MYO1E: variants seen among roughly 807,000 people sequenced by gnomAD.
MYO1E encodes unconventional myosin-Ie.
In MYO1E, 68 loss-of-function variants were observed where a neutral mutation model predicts 151.1. That is an observed-to-expected ratio of 0.45 (90% confidence interval 0.37 to 0.55). MYO1E has a LOEUF of 0.55. Ranked by LOEUF, MYO1E falls within the 20% of genes least tolerant of loss-of-function variation. MYO1E has a pLI of 0.00. For missense variants in MYO1E, 1,363 were observed against 1,389.3 expected, an observed-to-expected ratio of 0.98 and a Z score of 0.30; for synonymous variants, 601 against 501.7, an observed-to-expected ratio of 1.20 and a Z score of -2.64.
chr15:59,171,611 T>C (rs1388124428), intron 22 of MYO1E, among the ~76,000 whole-genome samples: 1 of 152,214 alleles, frequency 6.6e-6, no homozygotes, highest in Non-Finnish European at 1.5e-5. Context: ...AGGTGTTCCA[T>C]ATACCGGGTT....
chr15:59,160,070 AG>A (rs2079528868), intron 24 of MYO1E, among the ~76,000 whole-genome samples: 1 of 152,134 alleles, frequency 6.6e-6, no homozygotes, highest in Admixed American at 6.5e-5. Flanking sequence ...TCCTGACCTC[AG>A]GTAGTCCGCC....
Position 59,136,729 on chromosome 15 carries a change from C to G in MYO1E, c.*651G>C. 1 of 456,366 alleles carries G rather than the reference C, an allele frequency of 2.2e-6. No individual in the cohort carries two copies. The highest frequency in any genetic ancestry group is 4.4e-6 in the Non-Finnish European group (1 of 226,792). The allele number at this position is 456,366 out of a possible 1,614,324, so 28.3% of individuals were successfully genotyped here. A position where few individuals can be genotyped will look rare whatever the true frequency, so the allele number is the denominator to read the frequency against. On this transcript the variant is annotated 3_prime_UTR_variant, in exon 28 of 28. Transcript: ENST00000288235. ...GGCCAGCCACATTCTAATTGAAGAC[C>G]CAGAGAAAGCAAAGCCAGCAGCCCA...
chr15:59,172,695 AGG>A (rs1291197725), intron 21 of MYO1E, among the ~76,000 whole-genome samples: 11 of 152,350 alleles, frequency 7.2e-5, no homozygotes, highest in Middle Eastern at 3.4e-3. Flanking sequence ...GTTTCTAAAC[AGG>A]GGGCAGTGTC....
chr15:59,240,788 C>T (rs142660188), intron 4 of MYO1E, among the ~76,000 whole-genome samples: 4 of 152,336 alleles, frequency 2.6e-5, no homozygotes, highest in Admixed American at 6.5e-5. Context: ...ACTTTTCCAA[C>T]TTTTTGTTTG....
chr15:59,162,601 G>A (rs1427251454), intron 23 of MYO1E, among the ~76,000 whole-genome samples: 1 of 148,604 alleles, frequency 6.7e-6, no homozygotes, highest in Non-Finnish European at 1.5e-5. Flanking sequence ...AGCCAAGGTC[G>A]CACCACTGTA....
chr15:59,363,899 C>T (rs949393591), intron 1 of MYO1E, among the ~76,000 whole-genome samples: 3 of 152,076 alleles, frequency 2.0e-5, no homozygotes, highest in South Asian at 2.1e-4. Flanking sequence ...CTCAGCCTCC[C>T]GAGTAGCTGG....
rs79953301 is a variant in MYO1E, at chr15:59,252,939, C to T, written c.332+3345G>A. Reference sequence around the variant, plus strand: ...AAAAGAACCAAGGCCCCTGAAGAGACTGTGGATTCTACGCAGGAAATATAC... The same window carrying T: ...AAAAGAACCAAGGCCCCTGAAGAGATTGTGGATTCTACGCAGGAAATATAC... On this transcript the variant is annotated intron_variant, in intron 4 of 27. Transcript: ENST00000288235. 4.9e-3 allele frequency among the ~76,000 whole-genome samples: 739 copies of T among 152,238 alleles called. 17 individuals are homozygous for T. In the East Asian group the frequency reaches 0.065, roughly 13 times the overall value.
chr15:59,244,492 G>A (rs902980110), intron 4 of MYO1E, among the ~76,000 whole-genome samples: 1 of 152,110 alleles, frequency 6.6e-6, no homozygotes, highest in Admixed American at 6.5e-5. Flanking sequence ...AGGCTTGCAG[G>A]GGTCACACGC....
intron 1 of MYO1E, among the ~76,000 whole-genome samples, chr15:59,296,900 C>T (rs1326658669): frequency 2.1e-5 from 3 of 142,796 alleles, no homozygotes; most frequent in African/African-American, 7.9e-5. Context: ...AGTGCAGTGG[C>T]ATGATGTCGG....
intron 10 of MYO1E, among the ~76,000 whole-genome samples, chr15:59,215,316 TTTCAC>T (rs1441668938): frequency 6.6e-6 from 1 of 152,238 alleles, no homozygotes; most frequent in African/African-American, 2.4e-5. Flanking sequence ...CAATGTGTTG[TTTCAC>T]TTAATTCCCA....
At chr15:59,348,272 A>G (rs1479691799) in intron 1 of MYO1E, among the ~76,000 whole-genome samples, 2 of 152,208 alleles carry the variant, frequency 1.3e-5, no homozygotes, top group African/African-American at 4.8e-5. Flanking sequence ...TATTTATTCA[A>G]GTCAGCTGTA....
chr15:59,238,559 G>C (rs894505300), intron 4 of MYO1E, among the ~76,000 whole-genome samples: 1 of 152,176 alleles, frequency 6.6e-6, no homozygotes, highest in Non-Finnish European at 1.5e-5. Flanking sequence ...TTCCTTACTT[G>C]TTAGGAGGCT....
chr15:59,347,278 T>C (rs1054892013), intron 1 of MYO1E, among the ~76,000 whole-genome samples: 1 of 152,202 alleles, frequency 6.6e-6, no homozygotes, highest in African/African-American at 2.4e-5. Flanking sequence ...TGCGCGCTTC[T>C]AATGAGAATC....
At chr15:59,367,068 A>G (rs188133233) in intron 1 of MYO1E, among the ~76,000 whole-genome samples, 7 of 151,336 alleles carry the variant, frequency 4.6e-5, no homozygotes, top group Non-Finnish European at 1.0e-4. Context: ...TAATTCCTAT[A>G]TATCCTACCA....
intron 1 of MYO1E, among the ~76,000 whole-genome samples, chr15:59,279,832 G>C (rs2080342871): frequency 6.6e-6 from 1 of 152,166 alleles, no homozygotes; most frequent in East Asian, 1.9e-4. Context: ...TTGAACGTAT[G>C]ATAGTATTTA....
chr15:59,265,786 T>A (rs536115966), intron 2 of MYO1E, among the ~76,000 whole-genome samples: 32 of 111,168 alleles, frequency 2.9e-4, no homozygotes, highest in Non-Finnish European at 3.6e-4. Flanking sequence ...TGAGACCCCA[T>A]CTCCTTAAAA....
chr15:59,255,229 C>A (rs2080187254), intron 4 of MYO1E, among the ~76,000 whole-genome samples: 1 of 152,094 alleles, frequency 6.6e-6, no homozygotes, highest in Non-Finnish European at 1.5e-5. Context: ...ATCCTCCCCA[C>A]TCAGCCTCCT....
intron 1 of MYO1E, among the ~76,000 whole-genome samples, chr15:59,324,239 G>A (rs1323945617): frequency 1.3e-5 from 2 of 152,116 alleles, no homozygotes; most frequent in Non-Finnish European, 2.9e-5. Flanking sequence ...AGTGTCCTAG[G>A]TCTGCAAGCA....
At chr15:59,186,747 CTAAA>C (rs1400140901) in intron 18 of MYO1E, among the ~76,000 whole-genome samples, 1 of 152,120 alleles carries the variant, frequency 6.6e-6, no homozygotes, top group African/African-American at 2.4e-5. Flanking sequence ...GACTTTGTCT[CTAAA>C]TAAATAAATA....
Sources: allele counts gnomAD v4.1 joint callset (sites outside exome capture counted in the v4.1 genomes callset), GRCh38; gene constraint gnomAD v4.1.1; transcripts MANE v1.5; gene names NCBI Gene and HGNC (gene_info 2026-07-23, HGNC 2026-07-21).